Variants in LRP1 observed in about 807,000 individuals in gnomAD.
LRP1 encodes LDL receptor related protein 1.
Under a neutral mutation model 541.5 loss-of-function variants are expected in LRP1, and 51 were observed. The ratio of observed to expected loss-of-function variants is 0.09; its 90% CI spans 0.08 to 0.12. The LOEUF (loss-of-function observed/expected upper bound fraction) is 0.12, where lower values mean the gene tolerates loss of function less well. Ranked by LOEUF, LRP1 falls within the 10% of genes least tolerant of loss-of-function variation. The pLI, the probability that LRP1 is intolerant of heterozygous loss-of-function variation, is 1.00. For missense variants in LRP1, 3,878 were observed against 6,376.2 expected (o/e 0.61, Z 13.34); for synonymous variants, 2,219 against 2,470.8 (o/e 0.90, Z 3.02).
chr12:57,184,859 C>T lies in LRP1; in HGVS notation c.6207C>T (p.Cys2069=), dbSNP rs374626710. ...VDYQDGKLYW[C]DARTDKIERI... ...TGTAGGATGGGAAGCTGTACTGGTGCGATGCACGGACAGACAAGATTGAAC... is the reference window on the plus strand; with the variant it reads ...TGTAGGATGGGAAGCTGTACTGGTGTGATGCACGGACAGACAAGATTGAAC... The change falls in exon 39 of 89, where the codon TGC becomes TGT. Residue 2069 remains cysteine (C), a synonymous_variant. Coordinates refer to ENST00000243077, the MANE Select transcript of LRP1 (RefSeq NM_002332.3). This position sits in a 1 kb window ranked among gnomAD's most constrained non-coding sequence, Gnocchi z 7.8. 7.2e-5 allele frequency: 117 copies of T among 1,613,826 alleles called. No individual in the cohort carries two copies. The Middle Eastern group carries it at 1.3e-3, about 18-fold the overall frequency.
Position 57,155,689 on chromosome 12 carries a change from C to T in LRP1, c.1228-405C>T, listed in dbSNP as rs112806554. Reference sequence around the variant, plus strand: ...TGGGGCCAGGCACGGTAGCCCACACCTGTAATCCCAGCACTTTGGGAGGCT... The same window carrying T: ...TGGGGCCAGGCACGGTAGCCCACACTTGTAATCCCAGCACTTTGGGAGGCT... On this transcript the variant is annotated intron_variant, in intron 8 of 88. Coordinates refer to ENST00000243077, the MANE Select transcript of LRP1 (RefSeq NM_002332.3). 342 of 168,960 alleles carry T rather than the reference C, an allele frequency of 2.0e-3. 5 individuals carry two copies. Among genetic ancestry groups the T allele is most frequent in the African/African-American group, 7.9e-3 (329 of 41,738 alleles). 10.5% of individuals were successfully genotyped at this position (168,960 alleles called of 1,614,324 possible).
rs116728009 is a variant in LRP1 at position 57,188,928 on chromosome 12, G to T, written c.7031+1472G>T. On this transcript the variant is annotated intron_variant, in intron 42 of 88. Transcript: ENST00000243077. ...GGAGAAAGAGCTGAGCTGGCAGGAG[G>T]GGCCCTCCCCCTGGCCACAAGGAGC... Among the ~76,000 whole-genome samples, 1,293 of 152,256 alleles carry T rather than the reference G, an allele frequency of 8.5e-3. 21 individuals carry two copies. Among genetic ancestry groups the T allele is most frequent in the African/African-American group, 0.03 (1,237 of 41,534 alleles).
Position 57,184,465 on chromosome 12 carries a change from A to G in LRP1, c.6186+13A>G, listed in dbSNP as rs757022631. Reference sequence around the variant, plus strand: ...AGTGGACTACCAGGTTCGCACGCCAACTTGGCCTTGGATCCGATGGTAGAC... The same window carrying G: ...AGTGGACTACCAGGTTCGCACGCCAGCTTGGCCTTGGATCCGATGGTAGAC... On this transcript the variant is annotated intron_variant, in intron 38 of 88. Transcript: ENST00000243077. The surrounding 1 kb of genome is among the most constrained non-coding windows in gnomAD (Gnocchi z 7.8). The G allele has an allele frequency of 6.2e-7, 1 of 1,614,116 alleles. No individual in the cohort carries two copies. The highest frequency in any genetic ancestry group is 1.1e-5 in the South Asian group (1 of 91,084).
chr12:57,193,232 A>C lies in LRP1; in HGVS notation c.7612A>C (p.Ile2538Leu). Residue 2538 changes from isoleucine (I) to leucine (L), a missense_variant, in exon 46 of 89, where the codon ATC (isoleucine) becomes CTC (leucine). Physicochemically the swap from Ile to Leu is conservative, Grantham distance 5. Coordinates refer to ENST00000243077, the MANE Select transcript of LRP1 (RefSeq NM_002332.3). ...GTTTGAGTGTGCCAATGGCGAGTGC[A>C]TCAACTTCAGCCTGACCTGCGACGG... Reference protein sequence around the residue: ...DEFECANGECINFSLTCDGVP... With the variant: ...DEFECANGECLNFSLTCDGVP... The C allele has an allele frequency of 1.2e-6, 2 of 1,614,116 alleles. No homozygotes were observed. Among genetic ancestry groups the C allele is most frequent in the Non-Finnish European group, 1.7e-6 (2 of 1,180,016 alleles).
At chr12:57,202,092 C>G in intron 67 of LRP1, 187 bp downstream of exon 67, 1 of 716,934 alleles carries the variant, frequency 1.4e-6, no homozygotes, top group Non-Finnish European at 2.3e-6. Context: ...CACATCCACC[C>G]GTGCCCCATG....
In LRP1 at chr12:57,166,936, C is replaced by T; in HGVS notation, c.2804C>T (p.Thr935Ile). The T allele has an allele frequency of 6.2e-7, 1 of 1,609,710 alleles. No individual in the cohort carries two copies. The highest frequency in any genetic ancestry group is 1.1e-5 in the South Asian group (1 of 90,920). ...ACCCATCCCTGCCCCCCAGCCCGCACCTGCCCCCCCAACCAGTTCTCCTGT... is the reference window on the plus strand; with the variant it reads ...ACCCATCCCTGCCCCCCAGCCCGCATCTGCCCCCCCAACCAGTTCTCCTGT... ...DESNATCSAR[T>I]CPPNQFSCAS... is the part of the protein sequence containing the mutation. Residue 935 changes from threonine (T) to isoleucine (I), a missense_variant, in exon 18 of 89, where the codon ACC becomes ATC. Thr to Ile is a moderately conservative substitution (Grantham distance 89, BLOSUM62 -1). Around this residue, in one of 13 missense-constraint regions of LRP1, gnomAD observed 29 missense variants for 20.7 expected, o/e 1.40. Transcript: ENST00000243077.
intron 2 of LRP1, among the ~76,000 whole-genome samples, chr12:57,138,927 C>T (rs2035230869): frequency 6.6e-6 from 1 of 152,202 alleles, no homozygotes; most frequent in Admixed American, 6.5e-5. Flanking sequence ...TGATTGGCCC[C>T]AGGTCTTGTC....
chr12:57,142,857 C>T (rs1387089461), intron 3 of LRP1, among the ~76,000 whole-genome samples: 1 of 152,142 alleles, frequency 6.6e-6, no homozygotes. Context: ...CCCCCCATCC[C>T]AACTCTTCCT....
rs750746378 is a variant in LRP1, at chr12:57,206,507, C to G, written c.11625C>G (p.Asp3875Glu). Residue 3875 changes from aspartate to glutamate, a missense_variant, in exon 76 of 89, where the codon GAC becomes GAG. Physicochemically the swap from Asp to Glu is conservative, Grantham distance 45. This residue lies in a region of LRP1 where 871 missense variants were observed against 1,212.4 expected (regional missense o/e 0.72). Transcript: ENST00000243077. The surrounding 1 kb of genome is among the most constrained non-coding windows in gnomAD (Gnocchi z 4.7). ...SEYQVLYIAD[D>E]NEIRSLFPGH... ...ACCAGGTCCTGTACATCGCTGATGA[C>G]AATGAGATCCGCAGCCTGTTCCCCG... The G allele has an allele frequency of 6.2e-7, 1 of 1,614,040 alleles. No homozygotes were observed. The highest frequency in any genetic ancestry group is 8.5e-7 in the Non-Finnish European group (1 of 1,180,050).
At chr12:57,198,107 T>G (rs1592654223) in intron 58 of LRP1, 49 bp from the exon 59 acceptor site, 1 of 1,520,258 alleles carries the variant, frequency 6.6e-7, no homozygotes, top group Non-Finnish European at 9.0e-7. Context: ...GGCTTGCAGG[T>G]CCTCCCCCAG....
chr12:57,134,514 T>C (rs2035112948), intron 1 of LRP1, among the ~76,000 whole-genome samples: 1 of 152,164 alleles, frequency 6.6e-6, no homozygotes, highest in African/African-American at 2.4e-5. Context: ...TGCAATGGCG[T>C]GATCTCTGCT....
intron 4 of LRP1, chr12:57,144,654 A>G (rs2035362233): frequency 2.9e-6 from 1 of 340,282 alleles, no homozygotes; most frequent in South Asian, 4.5e-5. Context: ...TATTATCTGA[A>G]TATAAGTTTC....
chr12:57,141,550 C>T (rs1259320062), intron 3 of LRP1, 39 bp downstream of exon 3: 4 of 1,612,966 alleles, frequency 2.5e-6, no homozygotes, highest in Non-Finnish European at 3.4e-6. Context: ...CGTCTGGATG[C>T]AGCATATTAT....
Position 57,209,822 on chromosome 12 carries a change from C to G in LRP1, c.12393C>G (p.Ser4131Arg). The G allele has an allele frequency of 4.3e-6, 7 of 1,614,196 alleles. No individual in the cohort carries two copies. The highest frequency in any genetic ancestry group is 5.9e-6 in the Non-Finnish European group (7 of 1,180,034). The change falls in exon 80 of 89, where the codon AGC (serine) becomes AGG (arginine). Residue 4131 changes from serine (S) to arginine (R), a missense_variant. By Grantham distance (110) the Ser-to-Arg change is moderately radical. Around this residue, in one of 13 missense-constraint regions of LRP1, gnomAD observed 871 missense variants for 1,212.4 expected, o/e 0.72. Coordinates refer to ENST00000243077, the MANE Select transcript of LRP1 (RefSeq NM_002332.3). ...TGGTCAACCTGACAGGGGGCCTGAG[C>G]CACGCCTCTGACGTGGTCCTTTACC... ...SPLVNLTGGL[S>R]HASDVVLYHQ...
chr12:57,145,528 G>A, intron 6 of LRP1, 38 bp downstream of exon 6: 1 of 1,603,030 alleles, frequency 6.2e-7, no homozygotes. Context: ...GCTGGGGAGG[G>A]TAGGGGAGAC....
chr12:57,139,335 G>A (rs550580755), intron 2 of LRP1, among the ~76,000 whole-genome samples: 34 of 152,156 alleles, frequency 2.2e-4, no homozygotes, highest in Admixed American at 1.5e-3. Context: ...ACCCCCACCC[G>A]TAATTATCAG....
Position 57,201,428 on chromosome 12 carries a change from G to A in LRP1, c.10346-69G>A. The A allele has an allele frequency of 6.4e-7, 1 of 1,551,314 alleles. No individual in the cohort carries two copies. Among genetic ancestry groups the A allele is most frequent in the Non-Finnish European group, 8.7e-7 (1 of 1,144,126 alleles). ...CCAAGGCCAGGGCTTGGAAGAGAGA[G>A]AAGACAGTGATGGTGAACTGGAGTG... On this transcript the variant is annotated intron_variant, in intron 65 of 88. Transcript: ENST00000243077. This position sits in a 1 kb window ranked among gnomAD's most constrained non-coding sequence, Gnocchi z 6.4.
rs1458352703 is a variant in LRP1, at chr12:57,181,232, C to T, written c.5603C>T (p.Thr1868Ile). Reference sequence around the variant, plus strand: ...CTCTGCCTGCCCACGTCAGAGACGACCCGCTCCTGCATGTGCACAGCCGGC... The same window carrying T: ...CTCTGCCTGCCCACGTCAGAGACGATCCGCTCCTGCATGTGCACAGCCGGC... The part of the protein sequence containing the change: ...SQLCLPTSET[T>I]RSCMCTAGYS... The change falls in exon 34 of 89, where the codon ACC (threonine) becomes ATC (isoleucine). Residue 1868 changes from threonine (T) to isoleucine (I), a missense_variant. Thr to Ile is a moderately conservative substitution (Grantham distance 89, BLOSUM62 -1). Around this residue, in one of 13 missense-constraint regions of LRP1, gnomAD observed 394 missense variants for 635.9 expected, o/e 0.62. Coordinates refer to ENST00000243077, the MANE Select transcript of LRP1 (RefSeq NM_002332.3). The T allele has an allele frequency of 4.3e-6, 7 of 1,613,726 alleles. No individual in the cohort carries two copies. Among genetic ancestry groups the T allele is most frequent in the Non-Finnish European group, 5.9e-6 (7 of 1,180,040 alleles).
In LRP1 at chr12:57,211,663, GCC is replaced by G; in HGVS notation, c.13193+76_13193+77del. On this transcript the variant is annotated intron_variant, in intron 85 of 88. Transcript: ENST00000243077. This position sits in a 1 kb window ranked among gnomAD's most constrained non-coding sequence, Gnocchi z 4.3. ...CAGATTTGAGCAGGAGGACCGTCAG[GCC>G]TCAGTGCCCACCCCCCGCCCTGTTT... 6.3e-7 allele frequency: 1 copy of G among 1,583,920 alleles called. No homozygotes were observed. The highest frequency in any genetic ancestry group is 8.7e-7 in the Non-Finnish European group (1 of 1,154,104).
Sources: gnomAD v4.1 joint callset for allele counts (sites outside exome capture counted in the v4.1 genomes callset) on GRCh38, gnomAD v4.1.1 for gene constraint, gnomAD v4.1.1 regional missense constraint, Gnocchi (gnomAD v3.1) non-coding constraint, MANE v1.5 for transcripts, NCBI Gene and HGNC (gene_info 2026-07-23, HGNC 2026-07-21) for gene names.